Variants in FKBP5 observed in about 807,000 individuals in gnomAD.
FKBP5 encodes FKBP prolyl isomerase 5, also known as peptidyl-prolyl cis-trans isomerase FKBP5.
FKBP5 carries 23 observed loss-of-function variants against 50.5 expected under a neutral mutation model. The ratio of observed to expected loss-of-function variants is 0.46; its 90% CI spans 0.33 to 0.65. FKBP5 has a LOEUF of 0.65. FKBP5 is among the 30% of genes least tolerant of loss of function. The pLI is 0.02. For missense variants in FKBP5, 411 were observed against 553.1 expected (o/e 0.74, Z 2.58); for synonymous variants, 176 against 190.6 (o/e 0.92, Z 0.63).
intron 2 of FKBP5, among the ~76,000 whole-genome samples, chr6:35,706,702 A>G (rs1766323846): frequency 6.6e-6 from 1 of 152,220 alleles, no homozygotes. Context: ...ATGACCTAAT[A>G]TTCCACTTCC....
chr6:35,615,480 G>A (rs1169521157), intron 5 of FKBP5, among the ~76,000 whole-genome samples: 4 of 152,016 alleles, frequency 2.6e-5, no homozygotes, highest in African/African-American at 9.7e-5. Context: ...ATATTGAAAG[G>A]ACACAAAAAC....
At chr6:35,724,338 G>C (rs979081630) in intron 1 of FKBP5, among the ~76,000 whole-genome samples, 2 of 152,136 alleles carry the variant, frequency 1.3e-5, no homozygotes, top group African/African-American at 4.8e-5. Context: ...CAGCCAGCAG[G>C]CCTGACTGTC....
chr6:35,631,174 T>A (rs75621423), intron 3 of FKBP5, among the ~76,000 whole-genome samples: 1 of 152,194 alleles, frequency 6.6e-6, no homozygotes, highest in Non-Finnish European at 1.5e-5. Flanking sequence ...AATAAGGATA[T>A]GAAAAACTGA....
chr6:35,689,829 C>T (rs1765949194), upstream of FKBP5, among the ~76,000 whole-genome samples: 1 of 152,094 alleles, frequency 6.6e-6, no homozygotes, highest in South Asian at 2.1e-4. Flanking sequence ...GAGCAAGACT[C>T]CATCTCAAAA....
chr6:35,724,757 GA>G (rs766503491), intron 1 of FKBP5, among the ~76,000 whole-genome samples: 254 of 119,354 alleles, frequency 2.1e-3, no homozygotes, highest in South Asian at 7.7e-3. Context: ...CCTTGTCTCA[GA>G]AAAAAAAAAA....
chr6:35,676,417 A>C (rs1221123322), intron 1 of FKBP5, among the ~76,000 whole-genome samples: 2 of 152,218 alleles, frequency 1.3e-5, no homozygotes, highest in Non-Finnish European at 2.9e-5. Flanking sequence ...GGACCTTAAG[A>C]TACTACCTAA....
At chr6:35,590,888 T>TAAA (rs199896008) in intron 7 of FKBP5, among the ~76,000 whole-genome samples, 4,900 of 131,028 alleles carry the variant, frequency 0.037, 105 homozygotes, top group African/African-American at 0.071. Flanking sequence ...CCAAAAAAGT[T>TAAA]AAAAAAAAAA....
intron 5 of FKBP5, among the ~76,000 whole-genome samples, chr6:35,615,420 G>C (rs933665239): frequency 2.6e-5 from 4 of 151,992 alleles, no homozygotes; most frequent in East Asian, 1.9e-4. Flanking sequence ...TGAGCCATGA[G>C]TGTCTTGTGG....
chr6:35,587,153 G>C (rs1294806352), intron 7 of FKBP5, 36 bp from the exon 8 acceptor site: 1 of 1,590,598 alleles, frequency 6.3e-7, no homozygotes, highest in South Asian at 1.1e-5. Flanking sequence ...TAGATGAACA[G>C]AGAGAAAAGC....
At chr6:35,585,772 T>C in intron 8 of FKBP5, 1 of 985,286 alleles carries the variant, frequency 1.0e-6, no homozygotes, top group African/African-American at 1.7e-5. Flanking sequence ...AAACTGATCC[T>C]TATAACATAT....
chr6:35,582,054 T>C (rs142666159), intron 8 of FKBP5: 1 of 985,464 alleles, frequency 1.0e-6, no homozygotes, highest in Non-Finnish European at 1.2e-6. Context: ...CTGGTGTGGA[T>C]TTTCTGGTGA....
intron 5 of FKBP5, among the ~76,000 whole-genome samples, chr6:35,618,273 T>C (rs899444071): frequency 1.1e-4 from 16 of 152,222 alleles, no homozygotes; most frequent in African/African-American, 3.9e-4. Context: ...TGGAATTACT[T>C]TGTATTCATT....
chr6:35,615,894 C>A (rs1763637602), intron 5 of FKBP5, among the ~76,000 whole-genome samples: 1 of 151,656 alleles, frequency 6.6e-6, no homozygotes, highest in Admixed American at 6.6e-5. Flanking sequence ...ATATCATATA[C>A]CTCTTGATAA....
intron 8 of FKBP5, chr6:35,584,973 T>C (rs1291143068): frequency 1.0e-6 from 1 of 985,318 alleles, no homozygotes; most frequent in African/African-American, 1.7e-5. Context: ...ATTCTGGCCA[T>C]CTCTCTGTAT....
chr6:35,721,083 G>A (rs1186461117), intron 1 of FKBP5, among the ~76,000 whole-genome samples: 1 of 152,188 alleles, frequency 6.6e-6, no homozygotes, highest in African/African-American at 2.4e-5. Context: ...CGGGCACGGT[G>A]GCTCACACCT....
chr6:35,700,507 T>C (rs1561901560), intron 2 of FKBP5, among the ~76,000 whole-genome samples: 1 of 152,192 alleles, frequency 6.6e-6, no homozygotes, highest in Non-Finnish European at 1.5e-5. Context: ...GTATCCACCT[T>C]GGTAGGCCCC....
chr6:35,577,503 T>C (rs1406555171), intron 9 of FKBP5, among the ~76,000 whole-genome samples: 1 of 152,060 alleles, frequency 6.6e-6, no homozygotes, highest in African/African-American at 2.4e-5. Context: ...CAAGAATGGC[T>C]GAAAAAATTT....
intron 1 of FKBP5, among the ~76,000 whole-genome samples, chr6:35,681,000 T>C (rs1765647767): frequency 6.6e-6 from 1 of 152,244 alleles, no homozygotes; most frequent in Non-Finnish European, 1.5e-5. Flanking sequence ...AAACATGTCA[T>C]GAGTCTTTAG....
chr6:35,616,314 C>CAAAAAAAAAAAAAA (rs34779549), intron 5 of FKBP5, among the ~76,000 whole-genome samples: 3 of 57,454 alleles, frequency 5.2e-5, no homozygotes, highest in Non-Finnish European at 8.8e-5. Flanking sequence ...GACTCCATCT[C>CAAAAAAAAAAAAAA]AAAAAAAAAA....
Sources: gnomAD v4.1 joint callset for allele counts (sites outside exome capture counted in the v4.1 genomes callset) on GRCh38, gnomAD v4.1.1 for gene constraint, MANE v1.5 for transcripts, NCBI Gene and HGNC (gene_info 2026-07-23, HGNC 2026-07-21) for gene names.